The following GALNT17 variants were observed in gnomAD, a reference collection of about 807,000 sequenced individuals.
The protein encoded by GALNT17 is UDP-GalNAc:polypeptide N-acetylgalactosaminyltransferase-like 3.
In GALNT17, 29 loss-of-function variants were observed where a neutral mutation model predicts 63.7. The ratio of observed to expected loss-of-function variants is 0.46; its 90% CI spans 0.34 to 0.62. The LOEUF (loss-of-function observed/expected upper bound fraction) is 0.62. Ranked by LOEUF, GALNT17 falls within the 20% of genes least tolerant of loss-of-function variation. The pLI, the probability that GALNT17 is intolerant of heterozygous loss-of-function variation, is 0.01. For missense variants in GALNT17, 603 were observed against 799.6 expected, an observed-to-expected ratio of 0.75 and a Z score of 2.97; for synonymous variants, 305 against 318.3, an observed-to-expected ratio of 0.96 and a Z score of 0.45.
intron 3 of GALNT17, among the ~76,000 whole-genome samples, chr7:71,415,429 T>C (rs1040678529): frequency 6.6e-6 from 1 of 152,180 alleles, no homozygotes; most frequent in African/African-American, 2.4e-5. Flanking sequence ...CTGGTAGCAT[T>C]AGTTCTGCCT....
intron 6 of GALNT17, among the ~76,000 whole-genome samples, chr7:71,665,138 G>A (rs1790964802): frequency 6.6e-6 from 1 of 151,984 alleles, no homozygotes; most frequent in Non-Finnish European, 1.5e-5. Flanking sequence ...CATCATGCCT[G>A]GCTAACTTTT....
intron 5 of GALNT17, among the ~76,000 whole-genome samples, chr7:71,485,126 G>A (rs1787889358): frequency 7.3e-6 from 1 of 137,664 alleles, no homozygotes; most frequent in African/African-American, 2.7e-5. Flanking sequence ...TTTTTTTTAA[G>A]ACAGGATCTT....
intron 6 of GALNT17, among the ~76,000 whole-genome samples, chr7:71,618,970 CTTGAG>C (rs1376380073): frequency 6.6e-6 from 1 of 152,154 alleles, no homozygotes; most frequent in Non-Finnish European, 1.5e-5. Flanking sequence ...TTTGATCCAT[CTTGAG>C]TTAATTTTTG....
At chr7:71,259,110 G>A (rs964575399) in intron 1 of GALNT17, among the ~76,000 whole-genome samples, 1 of 152,174 alleles carries the variant, frequency 6.6e-6, no homozygotes, top group Admixed American at 6.5e-5. Context: ...CCTAGGTTGA[G>A]TTCATGGGGT....
At chr7:71,593,530 C>T (rs1178750073) in intron 6 of GALNT17, among the ~76,000 whole-genome samples, 2 of 152,172 alleles carry the variant, frequency 1.3e-5, no homozygotes, top group Non-Finnish European at 2.9e-5. Context: ...TCCCAAAGTG[C>T]TGGGATTACA....
intron 1 of GALNT17, among the ~76,000 whole-genome samples, chr7:71,220,105 T>C (rs1378942431): frequency 2.0e-5 from 3 of 152,224 alleles, no homozygotes; most frequent in Non-Finnish European, 4.4e-5. Flanking sequence ...ACAAATACGT[T>C]CAGGGTTTAT....
chr7:71,702,895 G>A (rs185238555), intron 9 of GALNT17, among the ~76,000 whole-genome samples: 1 of 152,316 alleles, frequency 6.6e-6, no homozygotes, highest in African/African-American at 2.4e-5. Flanking sequence ...AATAGATGCT[G>A]GATGAGTGTA....
intron 1 of GALNT17, among the ~76,000 whole-genome samples, chr7:71,232,358 C>T (rs1272725439): frequency 6.6e-6 from 1 of 152,112 alleles, no homozygotes; most frequent in Non-Finnish European, 1.5e-5. Context: ...TGGTCAGGGT[C>T]AGTGGGGGTG....
At chr7:71,140,877 C>T (rs1237572180) in intron 1 of GALNT17, among the ~76,000 whole-genome samples, 1 of 151,926 alleles carries the variant, frequency 6.6e-6, no homozygotes, top group Admixed American at 6.6e-5. Context: ...AAAAATTAGC[C>T]AGACATTGTG....
intron 2 of GALNT17, among the ~76,000 whole-genome samples, chr7:71,365,716 A>G (rs1232981629): frequency 6.6e-6 from 1 of 151,846 alleles, no homozygotes; most frequent in Non-Finnish European, 1.5e-5. Context: ...ACAGTTGAAT[A>G]TGTTATTTAT....
chr7:71,683,178 C>CT, intron 9 of GALNT17, among the ~76,000 whole-genome samples: 1 of 152,196 alleles, frequency 6.6e-6, no homozygotes, highest in African/African-American at 2.4e-5. Context: ...TGGGCCCCGG[C>CT]TGCTTTCCGT....
chr7:71,648,560 A>G (rs536954801), intron 6 of GALNT17, among the ~76,000 whole-genome samples: 2 of 152,204 alleles, frequency 1.3e-5, no homozygotes, highest in East Asian at 1.9e-4. Context: ...GGCATGAGCC[A>G]CTATGCTTGG....
At chr7:71,433,161 C>T (rs571377020) in intron 5 of GALNT17, among the ~76,000 whole-genome samples, 47 of 152,088 alleles carry the variant, frequency 3.1e-4, no homozygotes, top group Admixed American at 1.9e-3. Flanking sequence ...GAAGACTATC[C>T]GGTCTTCATC....
At chr7:71,568,173 C>G (rs780609878) in intron 5 of GALNT17, among the ~76,000 whole-genome samples, 65 of 152,150 alleles carry the variant, frequency 4.3e-4, no homozygotes, top group Non-Finnish European at 6.9e-4. Flanking sequence ...TCCATGAAGC[C>G]TTTTCTAAAG....
chr7:71,444,324 C>T (rs1321911816), intron 5 of GALNT17, among the ~76,000 whole-genome samples: 1 of 152,160 alleles, frequency 6.6e-6, no homozygotes, highest in East Asian at 1.9e-4. Context: ...TCTGCCTTCC[C>T]TCGCCACTTC....
intron 1 of GALNT17, among the ~76,000 whole-genome samples, chr7:71,191,640 A>T (rs1379957499): frequency 6.6e-6 from 1 of 152,158 alleles, no homozygotes. Context: ...GTCGTCTTCT[A>T]TGTGTGGATC....
rs33954579 is a variant in GALNT17, at chr7:71,221,383, CTTTT to C, written c.238+88363_238+88366del. ...AACCTTATACAGAATTACAGCCATGCTTTTTTTTTTTTTTTTTTTTTTTCCAACC... is the reference window on the plus strand; with the variant it reads ...AACCTTATACAGAATTACAGCCATGCTTTTTTTTTTTTTTTTTTTCCAACC... On this transcript the variant is annotated intron_variant, in intron 1 of 10. Transcript: ENST00000333538. 5.3e-3 allele frequency among the ~76,000 whole-genome samples: 585 copies of C among 110,816 alleles called. 12 individuals carry two copies. The highest frequency in any genetic ancestry group is 0.052 in the East Asian group (200 of 3,860). The allele number at this position is 110,816 out of a possible 152,430, so 72.7% of individuals were successfully genotyped here.
intron 1 of GALNT17, among the ~76,000 whole-genome samples, chr7:71,330,671 G>C (rs532834946): frequency 6.6e-6 from 1 of 151,976 alleles, no homozygotes; most frequent in Non-Finnish European, 1.5e-5. Flanking sequence ...CAAAGCACTG[G>C]GATTACAGGC....
rs375484580 is a variant in GALNT17 at position 71,147,689 on chromosome 7, T to C, written c.238+14649T>C. Among the ~76,000 whole-genome samples the C allele has an allele frequency of 1.3e-3, 193 of 152,156 alleles. 2 individuals carry two copies. The highest frequency in any genetic ancestry group is 4.5e-3 in the African/African-American group (187 of 41,524). ...CTCTGTCGTCCAGGCTGGAGTGCAGTGGCATGATCTCAGCTCACCACAACC... is the reference window on the plus strand; with the variant it reads ...CTCTGTCGTCCAGGCTGGAGTGCAGCGGCATGATCTCAGCTCACCACAACC... On this transcript the variant is annotated intron_variant, in intron 1 of 10. Transcript: ENST00000333538.
Sources: gnomAD v4.1 joint callset for allele counts (sites outside exome capture counted in the v4.1 genomes callset) on GRCh38, gnomAD v4.1.1 for gene constraint, MANE v1.5 for transcripts, NCBI Gene and HGNC (gene_info 2026-07-23, HGNC 2026-07-21) for gene names.